CSNK1G1: variants seen among roughly 807,000 people sequenced by gnomAD.
CSNK1G1 encodes the protein casein kinase I isoform gamma-1.
CSNK1G1 carries 22 observed loss-of-function variants against 59.6 expected under a neutral mutation model. The ratio of observed to expected loss-of-function variants is 0.37; its 90% CI spans 0.26 to 0.53. The LOEUF (loss-of-function observed/expected upper bound fraction) is 0.53, where lower values mean the gene tolerates loss of function less well. CSNK1G1 is among the 20% of genes least tolerant of loss of function. The pLI is 0.89. For missense variants in CSNK1G1, 384 were observed against 519.5 expected (o/e 0.74, Z 2.54); for synonymous variants, 179 against 177.1 (o/e 1.01, Z -0.08).
At chr15:64,242,764 C>A (rs967037271) in intron 4 of CSNK1G1, among the ~76,000 whole-genome samples, 1 of 152,066 alleles carries the variant, frequency 6.6e-6, no homozygotes, top group Non-Finnish European at 1.5e-5. Context: ...CAAAACCAGA[C>A]CAGGACACAA....
intron 11 of CSNK1G1, among the ~76,000 whole-genome samples, chr15:64,178,794 G>A (rs2081772831): frequency 5.3e-5 from 8 of 151,932 alleles, no homozygotes; most frequent in Admixed American, 3.9e-4. Flanking sequence ...ACTTTTGTGT[G>A]TGTGTGTGTG....
rs1223444152 is a variant in CSNK1G1, at chr15:64,176,755, A to G, written c.1214+3593T>C. 6.6e-6 allele frequency among the ~76,000 whole-genome samples: 1 copy of G among 152,226 alleles called. No homozygotes were observed. The highest frequency in any genetic ancestry group is 2.4e-5 in the African/African-American group (1 of 41,462). On this transcript the variant is annotated intron_variant, in intron 11 of 11. Transcript: ENST00000303052. This position sits in a 1 kb window ranked among gnomAD's most constrained non-coding sequence, Gnocchi z 5.2. ...AAGTCCCTAGCCTTTGTGCAAGTCC[A>G]ACATGCCTGATCAAAGCAGCTAGCA...
chr15:64,271,372 C>CCG (rs1332377766), intron 2 of CSNK1G1, among the ~76,000 whole-genome samples: 2 of 152,082 alleles, frequency 1.3e-5, no homozygotes, highest in African/African-American at 2.4e-5. Context: ...ACTGCAACCT[C>CCG]CGCCTCCCCA....
intron 2 of CSNK1G1, among the ~76,000 whole-genome samples, chr15:64,280,897 T>C (rs1339575070): frequency 6.6e-6 from 1 of 152,200 alleles, no homozygotes; most frequent in Non-Finnish European, 1.5e-5. Flanking sequence ...TTCTTTTTTT[T>C]GAGACAGAGT....
chr15:64,244,366 TAAAAAAA>T (rs142844348), intron 4 of CSNK1G1, among the ~76,000 whole-genome samples: 1 of 110,960 alleles, frequency 9.0e-6, no homozygotes, highest in African/African-American at 3.2e-5. Flanking sequence ...ACTGAAAAAT[TAAAAAAA>T]AAAAAAAAAA....
At chr15:64,343,002 T>C (rs1897754363) in intron 1 of CSNK1G1, among the ~76,000 whole-genome samples, 1 of 152,088 alleles carries the variant, frequency 6.6e-6, no homozygotes, top group South Asian at 2.1e-4. Context: ...TGAAAAGTAC[T>C]ATTCTATCTT....
At chr15:64,292,608 G>A (rs1013674881) in intron 2 of CSNK1G1, among the ~76,000 whole-genome samples, 4 of 152,046 alleles carry the variant, frequency 2.6e-5, no homozygotes, top group East Asian at 1.9e-4. Context: ...ATAAACATAC[G>A]TGCACCCCTA....
chr15:64,276,258 C>A (rs1199291995), intron 2 of CSNK1G1, among the ~76,000 whole-genome samples: 2 of 152,146 alleles, frequency 1.3e-5, no homozygotes, highest in South Asian at 4.1e-4. Flanking sequence ...TAGTGGTGGG[C>A]AGAAAAACTG....
rs189512960 is a variant in CSNK1G1 at position 64,292,792 on chromosome 15, G to A, written c.181+7527C>T. ...TACAAAAAATAATTAGCCGGGCATG[G>A]TGGCGGGCACCTGTAATCCCAGCTA... On this transcript the variant is annotated intron_variant, in intron 2 of 11. Coordinates refer to ENST00000303052, the MANE Select transcript of CSNK1G1 (RefSeq NM_022048.5). 3.6e-4 allele frequency among the ~76,000 whole-genome samples: 55 copies of A among 152,202 alleles called. 1 individual carries two copies. The highest frequency in any genetic ancestry group is 1.2e-3 in the African/African-American group (49 of 41,534).
chr15:64,333,433 C>CAAAAAAAAA lies in CSNK1G1; in HGVS notation c.-225+22546_-225+22554dup, dbSNP rs59451869. On this transcript the variant is annotated intron_variant, in intron 1 of 11. Transcript: ENST00000303052. The stretch of plus-strand genomic sequence containing the variant: ...TGGGCAACACAGTGAGACACCATCT[C>CAAAAAAAAA]AAAAAAAAAAAAAAAAAAAAAAAAA... 3.9e-4 allele frequency among the ~76,000 whole-genome samples: 9 copies of CAAAAAAAAA among 23,086 alleles called. 2 individuals are homozygous for CAAAAAAAAA. Among genetic ancestry groups the CAAAAAAAAA allele is most frequent in the African/African-American group, 2.2e-3 (9 of 4,154 alleles). The allele number at this position is 23,086 out of a possible 152,430, so 15.1% of individuals were successfully genotyped here. A position where few individuals can be genotyped will look rare whatever the true frequency, so the allele number is the denominator to read the frequency against.
chr15:64,267,179 C>T (rs1893029943), intron 2 of CSNK1G1, among the ~76,000 whole-genome samples: 1 of 150,980 alleles, frequency 6.6e-6, no homozygotes, highest in Non-Finnish European at 1.5e-5. Flanking sequence ...ATCACTTGAA[C>T]CCAGGAGGAG....
intron 2 of CSNK1G1, among the ~76,000 whole-genome samples, chr15:64,285,117 TTTA>T (rs1271519712): frequency 3.9e-5 from 6 of 152,198 alleles, no homozygotes; most frequent in South Asian, 4.1e-4. Context: ...CATGAAAATG[TTTA>T]TTGTTATTTA....
Position 64,251,678 on chromosome 15 carries a change from G to A in CSNK1G1, c.223-97C>T, listed in dbSNP as rs1892093594. On this transcript the variant is annotated intron_variant, in intron 3 of 11. Coordinates refer to ENST00000303052, the MANE Select transcript of CSNK1G1 (RefSeq NM_022048.5). ...TAAACGAGGGCTAAGATCACCCAATGTTTTAGAGATAATATCCATATATAA... is the reference window on the plus strand; with the variant it reads ...TAAACGAGGGCTAAGATCACCCAATATTTTAGAGATAATATCCATATATAA... 34 of 797,816 alleles carry A rather than the reference G, an allele frequency of 4.3e-5. 1 individual carries two copies. In the South Asian group the frequency reaches 5.2e-4, roughly 12 times the overall value. 49.4% of individuals were successfully genotyped at this position (797,816 alleles called of 1,614,324 possible). A position where few individuals can be genotyped will look rare whatever the true frequency, so the allele number is the denominator to read the frequency against.
intron 3 of CSNK1G1, 119 bp downstream of exon 3, chr15:64,259,081 AC>A (rs1371289705): frequency 5.3e-6 from 4 of 752,196 alleles, no homozygotes; most frequent in Non-Finnish European, 8.5e-6. Flanking sequence ...GGGATCATAC[AC>A]AAAAAAAACC....
At chr15:64,174,010 T>C (rs771105324) in intron 11 of CSNK1G1, among the ~76,000 whole-genome samples, 23 of 152,352 alleles carry the variant, frequency 1.5e-4, no homozygotes, top group Admixed American at 4.6e-4. Flanking sequence ...TAAATCTCTA[T>C]TTCAATAGAC....
At chr15:64,346,432 T>G (rs1304485598) in intron 1 of CSNK1G1, among the ~76,000 whole-genome samples, 2 of 140,394 alleles carry the variant, frequency 1.4e-5, no homozygotes, top group African/African-American at 5.7e-5. Flanking sequence ...TTTTATTTAT[T>G]TATTTATTTA....
At chr15:64,322,494 T>G (rs529899381) in intron 1 of CSNK1G1, among the ~76,000 whole-genome samples, 1 of 151,860 alleles carries the variant, frequency 6.6e-6, no homozygotes, top group South Asian at 2.1e-4. Context: ...TGAGCCGCCA[T>G]GTCTGGCCCA....
At chr15:64,332,610 C>T (rs1394250602) in intron 1 of CSNK1G1, among the ~76,000 whole-genome samples, 2 of 147,256 alleles carry the variant, frequency 1.4e-5, no homozygotes, top group African/African-American at 5.0e-5. Flanking sequence ...ACCAGCATGA[C>T]ACATGTATAC....
intron 10 of CSNK1G1, among the ~76,000 whole-genome samples, chr15:64,201,564 C>T (rs1033286554): frequency 6.6e-6 from 1 of 152,020 alleles, no homozygotes. Context: ...TTTTGCCCAC[C>T]TATTTTCTCG....
Sources: gnomAD v4.1 joint callset for allele counts (sites outside exome capture counted in the v4.1 genomes callset) on GRCh38, gnomAD v4.1.1 for gene constraint, Gnocchi (gnomAD v3.1) non-coding constraint, MANE v1.5 for transcripts, NCBI Gene and HGNC (gene_info 2026-07-23, HGNC 2026-07-21) for gene names.